The following TTBK1 variants were observed in gnomAD, a reference collection of about 807,000 sequenced individuals.
TTBK1 encodes tau-tubulin kinase 1.
In TTBK1, 34 loss-of-function variants were observed where a neutral mutation model predicts 108.5. The ratio of observed to expected loss-of-function variants is 0.31; its 90% CI spans 0.24 to 0.42. The LOEUF (loss-of-function observed/expected upper bound fraction) is 0.42, where lower values mean the gene tolerates loss of function less well. TTBK1 is among the 10% of genes least tolerant of loss of function. The pLI, the probability that TTBK1 is intolerant of heterozygous loss-of-function variation, is 1.00. For missense variants in TTBK1, 1,539 were observed against 1,826.0 expected (o/e 0.84, Z 2.86); for synonymous variants, 809 against 795.1 (o/e 1.02, Z -0.29).
rs748061688 is a variant in TTBK1, at chr6:43,283,093, C to T, written c.2353C>T (p.Arg785Cys). 7 of 1,582,976 alleles carry T rather than the reference C, an allele frequency of 4.4e-6. No individual in the cohort carries two copies. Among genetic ancestry groups the T allele is most frequent in the Middle Eastern group, 1.9e-4 (1 of 5,256 alleles). ...AVALGEVLGP[R>C]SGSSSEGSER... Reference sequence around the variant, plus strand: ...TGCCTTGGGGGAGGTGCTGGGGCCTCGTAGTGGCTCCAGCAGTGAGGGGAG... The same window carrying T: ...TGCCTTGGGGGAGGTGCTGGGGCCTTGTAGTGGCTCCAGCAGTGAGGGGAG... The change falls in exon 14 of 15, where the codon CGT becomes TGT. Residue 785 changes from arginine (R) to cysteine (C), a missense_variant. Physicochemically the swap from Arg to Cys is radical, Grantham distance 180 (BLOSUM62 -3). This residue lies in a region of TTBK1 where 1,055 missense variants were observed against 1,086.5 expected (regional missense o/e 0.97). Coordinates refer to ENST00000259750, the MANE Select transcript of TTBK1 (RefSeq NM_032538.3). This position sits in a 1 kb window ranked among gnomAD's most constrained non-coding sequence, Gnocchi z 8.1.
chr6:43,275,143 C>A (rs1307886784), intron 13 of TTBK1, among the ~76,000 whole-genome samples: 4 of 152,208 alleles, frequency 2.6e-5, no homozygotes, highest in Non-Finnish European at 4.4e-5. Context: ...ACTAGCGGCC[C>A]CGGCCGGGAG....
Position 43,248,595 on chromosome 6 carries a change from C to A in TTBK1, c.108+1827C>A, listed in dbSNP as rs369555087. 2.0e-5 allele frequency among the ~76,000 whole-genome samples: 3 copies of A among 152,182 alleles called. No homozygotes were observed. In the East Asian group the frequency reaches 5.8e-4, roughly 29 times the overall value. Reference sequence around the variant, plus strand: ...AAAATTAGCCGGGTGTGGCAGTGGGCGCCTGTAATCCCAGCTACCTGGGAG... The same window carrying A: ...AAAATTAGCCGGGTGTGGCAGTGGGAGCCTGTAATCCCAGCTACCTGGGAG... On this transcript the variant is annotated intron_variant, in intron 2 of 14. Transcript: ENST00000259750.
chr6:43,283,657 G>A lies in TTBK1; in HGVS notation c.2917G>A (p.Glu973Lys). ...GGCCTCTGATGGGGGCGCTGTGGAGGAGGGGGCCCGAGCGCCCCTGGAGAA... is the reference window on the plus strand; with the variant it reads ...GGCCTCTGATGGGGGCGCTGTGGAGAAGGGGGCCCGAGCGCCCCTGGAGAA... The part of the protein sequence containing the change: ...ELASDGGAVE[E>K]GARAPLENGL... The change falls in exon 14 of 15, where the codon GAG (glutamate) becomes AAG (lysine). Residue 973 changes from glutamate to lysine, a missense_variant. This residue lies in a region of TTBK1 where 1,055 missense variants were observed against 1,086.5 expected (regional missense o/e 0.97). Coordinates refer to ENST00000259750, the MANE Select transcript of TTBK1 (RefSeq NM_032538.3). The surrounding 1 kb of genome is among the most constrained non-coding windows in gnomAD (Gnocchi z 8.1). 1 of 1,613,980 alleles carries A rather than the reference G, an allele frequency of 6.2e-7. No homozygotes were observed. The highest frequency in any genetic ancestry group is 8.5e-7 in the Non-Finnish European group (1 of 1,179,976).
At position 43,263,622 on chromosome 6, in the gene TTBK1, GGCA is replaced by G. The variant is rs1176824366; in HGVS notation, c.1986+273_1986+275del. Among the ~76,000 whole-genome samples the G allele has an allele frequency of 6.6e-6, 1 of 152,132 alleles. No individual in the cohort carries two copies. The highest frequency in any genetic ancestry group is 1.5e-5 in the Non-Finnish European group (1 of 68,026). On this transcript the variant is annotated intron_variant, in intron 13 of 14. Coordinates refer to ENST00000259750, the MANE Select transcript of TTBK1 (RefSeq NM_032538.3). This position sits in a 1 kb window ranked among gnomAD's most constrained non-coding sequence, Gnocchi z 4.7. ...CAGGAGAAGGGCCTCGCAGGCCACGGGCACAGTGTTTTGCACAGGCCGGGAGGG... is the reference window on the plus strand; with the variant it reads ...CAGGAGAAGGGCCTCGCAGGCCACGGCAGTGTTTTGCACAGGCCGGGAGGG...
At position 43,285,079 on chromosome 6, in the gene TTBK1, C is replaced by A. The variant is rs1362299954; in HGVS notation, c.3669C>A (p.Ala1223=). ...GRGLGPGRAQ[A]GARPPAPRSP... is the part of the protein sequence containing the mutation. Reference sequence around the variant, plus strand: ...GCCTGGGCCCAGGGCGAGCCCAAGCCGGAGCCAGGCCCCCAGCGCCGCGCA... The same window carrying A: ...GCCTGGGCCCAGGGCGAGCCCAAGCAGGAGCCAGGCCCCCAGCGCCGCGCA... The change falls in exon 15 of 15, where the codon GCC becomes GCA. Residue 1223 remains alanine, a synonymous_variant. Coordinates refer to ENST00000259750, the MANE Select transcript of TTBK1 (RefSeq NM_032538.3). This position sits in a 1 kb window ranked among gnomAD's most constrained non-coding sequence, Gnocchi z 4.7. 4 of 1,491,384 alleles carry A rather than the reference C, an allele frequency of 2.7e-6. No individual in the cohort carries two copies. The highest frequency in any genetic ancestry group is 1.5e-5 in the African/African-American group (1 of 68,514). 92.4% of individuals were successfully genotyped at this position (1,491,384 alleles called of 1,614,324 possible). A position where few individuals can be genotyped will look rare whatever the true frequency, so the allele number is the denominator to read the frequency against.
At chr6:43,249,221 A>G (rs942102613) in intron 2 of TTBK1, among the ~76,000 whole-genome samples, 38 of 152,096 alleles carry the variant, frequency 2.5e-4, no homozygotes, top group African/African-American at 8.9e-4. Context: ...CAGAGAGTTT[A>G]AGAAACTCAC....
At chr6:43,249,494 G>A (rs544124504) in intron 2 of TTBK1, among the ~76,000 whole-genome samples, 38 of 152,032 alleles carry the variant, frequency 2.5e-4, no homozygotes, top group African/African-American at 8.7e-4. Flanking sequence ...GACTGCATTG[G>A]TATAAAGAGG....
At chr6:43,247,775 A>ACCGG (rs1777134599) in intron 2 of TTBK1, among the ~76,000 whole-genome samples, 2 of 152,034 alleles carry the variant, frequency 1.3e-5, no homozygotes, top group Admixed American at 6.5e-5. Context: ...GGCAACAGCC[A>ACCGG]CCGGCCGTGC....
In TTBK1 at chr6:43,255,800, C is replaced by T. The variant is rs1359970826; in HGVS notation, c.805C>T (p.His269Tyr). Residue 269 changes from histidine (H) to tyrosine (Y), a missense_variant, in exon 9 of 15, where the codon CAC becomes TAC. Physicochemically the swap from His to Tyr is moderately conservative, Grantham distance 83 (BLOSUM62 2). Coordinates refer to ENST00000259750, the MANE Select transcript of TTBK1 (RefSeq NM_032538.3). ...GCTGAAGCACATGCCGTCAGAGTTC[C>T]ACCTCTTCCTGGACCACATTGCCAG... ...MLLKHMPSEF[H>Y]LFLDHIASLD... The T allele has an allele frequency of 3.1e-6, 5 of 1,614,096 alleles. No homozygotes were observed. Among genetic ancestry groups the T allele is most frequent in the South Asian group, 1.1e-5 (1 of 91,072 alleles).
chr6:43,267,937 C>A (rs1415703944), intron 13 of TTBK1, among the ~76,000 whole-genome samples: 1 of 152,146 alleles, frequency 6.6e-6, no homozygotes, highest in South Asian at 2.1e-4. Flanking sequence ...TTTTGGAGCT[C>A]AAGGTCACAA....
chr6:43,277,125 T>C (rs1778022531), intron 13 of TTBK1, among the ~76,000 whole-genome samples: 1 of 152,132 alleles, frequency 6.6e-6, no homozygotes, highest in South Asian at 2.1e-4. Context: ...CAGAGGCCTG[T>C]GAGAGGACAC....
At chr6:43,277,436 C>G (rs1778030643) in intron 13 of TTBK1, among the ~76,000 whole-genome samples, 1 of 152,144 alleles carries the variant, frequency 6.6e-6, no homozygotes, top group South Asian at 2.1e-4. Flanking sequence ...ATACCTCCAC[C>G]CCATCCCCGC....
intron 13 of TTBK1, among the ~76,000 whole-genome samples, chr6:43,275,452 G>A (rs1187579750): frequency 6.6e-6 from 1 of 151,778 alleles, no homozygotes; most frequent in African/African-American, 2.4e-5. Context: ...GGCGGGGGCG[G>A]GCTGGAGTGG....
chr6:43,279,332 G>A (rs960912310), intron 13 of TTBK1, among the ~76,000 whole-genome samples: 1 of 152,200 alleles, frequency 6.6e-6, no homozygotes. Context: ...TCTAACCAAG[G>A]TGCCAGGGAT....
intron 6 of TTBK1, 51 bp from the exon 7 acceptor site, chr6:43,254,998 G>T (rs1777346814): frequency 6.4e-7 from 1 of 1,564,888 alleles, no homozygotes; most frequent in Admixed American, 1.7e-5. Context: ...TTGAGAGGTG[G>T]CTGAGGTGAG....
intron 2 of TTBK1, among the ~76,000 whole-genome samples, 169 bp from the exon 3 acceptor site, chr6:43,252,570 C>T (rs1287358299): frequency 6.6e-6 from 1 of 150,890 alleles, no homozygotes; most frequent in Non-Finnish European, 1.5e-5. Flanking sequence ...TGCAGTGAGC[C>T]GAGATTGCAC....
intron 10 of TTBK1, among the ~76,000 whole-genome samples, chr6:43,258,835 C>T (rs1018901153): frequency 4.6e-5 from 7 of 152,214 alleles, no homozygotes; most frequent in Non-Finnish European, 1.5e-5. Flanking sequence ...CCTTGTGGCC[C>T]CTGCCAACTT....
At chr6:43,246,874 G>C in intron 2 of TTBK1, 106 bp downstream of exon 2, 1 of 835,554 alleles carries the variant, frequency 1.2e-6, no homozygotes, top group Non-Finnish European at 1.9e-6. Context: ...CTAAGAGGGA[G>C]GTGCCTCTAA....
chr6:43,266,971 G>A (rs1430089272), intron 13 of TTBK1, among the ~76,000 whole-genome samples: 1 of 151,418 alleles, frequency 6.6e-6, no homozygotes, highest in Non-Finnish European at 1.5e-5. Context: ...GATGGTTTGT[G>A]CAGGATCAGA....
Sources: gnomAD v4.1 joint callset for allele counts (sites outside exome capture counted in the v4.1 genomes callset) on GRCh38, gnomAD v4.1.1 for gene constraint, gnomAD v4.1.1 regional missense constraint, Gnocchi (gnomAD v3.1) non-coding constraint, MANE v1.5 for transcripts, NCBI Gene and HGNC (gene_info 2026-07-23, HGNC 2026-07-21) for gene names.